DEFB124: variants seen among roughly 807,000 people sequenced by gnomAD.
The protein encoded by DEFB124 is beta-defensin 124.
For synonymous variants in DEFB124, 38 were observed against 36.5 expected, an observed-to-expected ratio of 1.04 and a Z score of -0.15; for missense variants, 78 against 83.1, an observed-to-expected ratio of 0.94 and a Z score of 0.24.
At chr20:31,471,452 C>T (rs1351802467) in intron 2 of DEFB124, among the ~76,000 whole-genome samples, 9 of 120,856 alleles carry the variant, frequency 7.4e-5, no homozygotes, top group African/African-American at 2.5e-4. Context: ...GCTGGCCGGG[C>T]GGGGGACTGA....
At chr20:31,470,164 G>T (rs1243563144) in intron 2 of DEFB124, among the ~76,000 whole-genome samples, 3 of 139,844 alleles carry the variant, frequency 2.1e-5, no homozygotes, top group Admixed American at 6.8e-5. Flanking sequence ...GGGCAGAGGT[G>T]CCCCTCACCT....
intron 2 of DEFB124, among the ~76,000 whole-genome samples, chr20:31,466,887 C>T (rs778245223): frequency 6.6e-6 from 1 of 152,066 alleles, no homozygotes; most frequent in Non-Finnish European, 1.5e-5. Flanking sequence ...TCAATAAACA[C>T]GGAGCACTAG....
At chr20:31,471,057 ACCCCCCCCACCTCCCTCCC>A (rs1980272075) in intron 2 of DEFB124, among the ~76,000 whole-genome samples, 1 of 63,568 alleles carries the variant, frequency 1.6e-5, no homozygotes. Context: ...CGGGGGGCTG[ACCCCCCCCACCTCCCTCCC>A]GGACGTGGGG....
chr20:31,469,594 G>C (rs1411791904), intron 2 of DEFB124, among the ~76,000 whole-genome samples: 1 of 151,214 alleles, frequency 6.6e-6, no homozygotes, highest in African/African-American at 2.4e-5. Context: ...AGGACCCTGC[G>C]GCCTTCAGCA....
At chr20:31,470,166 C>T (rs2122450190) in intron 2 of DEFB124, among the ~76,000 whole-genome samples, 1 of 140,560 alleles carries the variant, frequency 7.1e-6, no homozygotes, top group Middle Eastern at 3.7e-3. Flanking sequence ...GCAGAGGTGC[C>T]CCTCACCTCC....
At position 31,465,790 on chromosome 20, in the gene DEFB124, A is replaced by G. The variant is rs148374694; in HGVS notation, c.59-127T>C. 1.1e-5 allele frequency: 12 copies of G among 1,108,830 alleles called. No individual in the cohort carries two copies. In the African/African-American group the frequency reaches 1.2e-4, roughly 12 times the overall value. The allele number at this position is 1,108,830 out of a possible 1,614,324, so 68.7% of individuals were successfully genotyped here. On this transcript the variant is annotated intron_variant, in intron 2 of 2. Transcript: ENST00000317676. ...TAGCTCTCTGGTCTTCTGTTAGATC[A>G]CTAGTCACAGATGAGAGTACTGATT...
chr20:31,473,864 A>C (rs535940794), intron 1 of DEFB124, among the ~76,000 whole-genome samples: 2 of 152,326 alleles, frequency 1.3e-5, no homozygotes, highest in African/African-American at 4.8e-5. Flanking sequence ...CCTCCAAGTG[A>C]TTCTAACACA....
At chr20:31,466,140 G>A (rs1980077669) in intron 2 of DEFB124, among the ~76,000 whole-genome samples, 1 of 152,124 alleles carries the variant, frequency 6.6e-6, no homozygotes. Context: ...CTGGGCAACA[G>A]AGGGAGACTC....
intron 2 of DEFB124, among the ~76,000 whole-genome samples, chr20:31,466,764 A>C (rs1980094683): frequency 6.6e-6 from 1 of 151,978 alleles, no homozygotes; most frequent in African/African-American, 2.4e-5. Context: ...TTAGTGAAGG[A>C]ATTTCCAAAC....
At chr20:31,468,094 A>G (rs1171437655) in intron 2 of DEFB124, among the ~76,000 whole-genome samples, 3 of 152,030 alleles carry the variant, frequency 2.0e-5, no homozygotes, top group Non-Finnish European at 4.4e-5. Flanking sequence ...GAACTTCCCA[A>G]TCACTCCAAT....
intron 2 of DEFB124, among the ~76,000 whole-genome samples, chr20:31,467,775 C>T (rs1225108339): frequency 6.6e-6 from 1 of 151,754 alleles, no homozygotes; most frequent in Non-Finnish European, 1.5e-5. Flanking sequence ...TTTTTTGAGA[C>T]AGGATCTCAC....
At chr20:31,468,837 T>A (rs1366695656) in intron 2 of DEFB124, among the ~76,000 whole-genome samples, 1 of 151,914 alleles carries the variant, frequency 6.6e-6, no homozygotes, top group Admixed American at 6.6e-5. Context: ...CCAAAGTTTC[T>A]GGCTGGGCTC....
intron 2 of DEFB124, among the ~76,000 whole-genome samples, chr20:31,469,491 C>T (rs1014667702): frequency 4.1e-4 from 62 of 150,214 alleles, no homozygotes; most frequent in African/African-American, 1.5e-3. Context: ...GGGTGTTTCT[C>T]GCAGAGGGGG....
At chr20:31,468,345 A>T (rs990100151) in intron 2 of DEFB124, among the ~76,000 whole-genome samples, 2 of 152,226 alleles carry the variant, frequency 1.3e-5, no homozygotes, top group African/African-American at 4.8e-5. Context: ...TTTATATAAA[A>T]TAAGATCGCT....
intron 2 of DEFB124, among the ~76,000 whole-genome samples, chr20:31,466,963 C>A (rs1980099766): frequency 6.6e-6 from 1 of 152,054 alleles, no homozygotes; most frequent in African/African-American, 2.4e-5. Flanking sequence ...TCAAGGAAGA[C>A]AGTTAAAAAA....
intron 2 of DEFB124, among the ~76,000 whole-genome samples, chr20:31,469,922 A>AC (rs1875413765): frequency 7.0e-6 from 1 of 143,542 alleles, no homozygotes; most frequent in African/African-American, 2.8e-5. Context: ...ATTCCACAAA[A>AC]CCGCCATTGT....
chr20:31,467,729 G>A (rs1442559852), intron 2 of DEFB124, among the ~76,000 whole-genome samples: 2 of 152,072 alleles, frequency 1.3e-5, no homozygotes, highest in African/African-American at 4.8e-5. Context: ...CGAGACCCTA[G>A]CTCCCAGGTG....
At chr20:31,467,983 G>A (rs766663358) in intron 2 of DEFB124, among the ~76,000 whole-genome samples, 24 of 152,078 alleles carry the variant, frequency 1.6e-4, no homozygotes, top group Non-Finnish European at 2.6e-4. Context: ...GAAGTCCTGG[G>A]CTCAAGTGAT....
chr20:31,470,883 G>C, intron 2 of DEFB124, among the ~76,000 whole-genome samples: 1 of 136,954 alleles, frequency 7.3e-6, no homozygotes, highest in Non-Finnish European at 1.6e-5. Context: ...GCGGGGGGCT[G>C]AGCCCCCCAC....
Sources: allele counts gnomAD v4.1 joint callset (sites outside exome capture counted in the v4.1 genomes callset), GRCh38; gene constraint gnomAD v4.1.1; transcripts MANE v1.5; gene names NCBI Gene and HGNC (gene_info 2026-07-23, HGNC 2026-07-21).